SPOCK1: variants seen among roughly 807,000 people sequenced by gnomAD.
The protein encoded by SPOCK1 is testican-1.
A neutral mutation model predicts 55.3 loss-of-function variants in SPOCK1; 23 were observed. The ratio of observed to expected loss-of-function variants is 0.42; its 90% CI spans 0.30 to 0.59. The LOEUF is 0.59. Ranked by LOEUF, SPOCK1 falls within the 20% of genes least tolerant of loss-of-function variation. The pLI, the probability that SPOCK1 is intolerant of heterozygous loss-of-function variation, is 0.22. For synonymous variants in SPOCK1, 226 were observed against 221.0 expected, an observed-to-expected ratio of 1.02 and a Z score of -0.20; for missense variants, 499 against 552.5, an observed-to-expected ratio of 0.90 and a Z score of 0.97.
chr5:137,026,568 A>G (rs1055386784), intron 6 of SPOCK1, among the ~76,000 whole-genome samples: 6 of 152,226 alleles, frequency 3.9e-5, no homozygotes, highest in African/African-American at 1.4e-4. Context: ...TAACTGCATC[A>G]GCCAATTCCT....
chr5:137,089,381 T>C (rs1217390697), intron 5 of SPOCK1, among the ~76,000 whole-genome samples: 1 of 152,174 alleles, frequency 6.6e-6, no homozygotes, highest in Non-Finnish European at 1.5e-5. Context: ...ATATGGAATA[T>C]AGCAGCTGTC....
chr5:137,268,539 C>G (rs1321549014), intron 2 of SPOCK1, among the ~76,000 whole-genome samples: 2 of 152,196 alleles, frequency 1.3e-5, no homozygotes, highest in East Asian at 3.8e-4. Flanking sequence ...CTGTCAGAAA[C>G]TCGGCAGCCA....
At chr5:137,154,114 C>A (rs1754369426) in intron 3 of SPOCK1, among the ~76,000 whole-genome samples, 2 of 151,852 alleles carry the variant, frequency 1.3e-5, no homozygotes, top group Non-Finnish European at 2.9e-5. Context: ...ATGGAGAAAC[C>A]CCATCTCTAC....
At chr5:137,084,013 A>G (rs1752917578) in intron 5 of SPOCK1, among the ~76,000 whole-genome samples, 1 of 152,046 alleles carries the variant, frequency 6.6e-6, no homozygotes, top group Non-Finnish European at 1.5e-5. Context: ...TAGTTTTTAC[A>G]TCTGTAAAAT....
intron 2 of SPOCK1, among the ~76,000 whole-genome samples, chr5:137,484,088 G>A (rs1473149949): frequency 2.0e-5 from 3 of 152,184 alleles, no homozygotes; most frequent in Admixed American, 1.3e-4. Flanking sequence ...GCTGTGGTGG[G>A]AATGGACTTG....
chr5:137,291,119 T>C (rs1757361673), intron 2 of SPOCK1, among the ~76,000 whole-genome samples: 1 of 152,180 alleles, frequency 6.6e-6, no homozygotes, highest in Middle Eastern at 3.2e-3. Context: ...AACAGCACAA[T>C]TGACCACCTC....
At chr5:137,245,876 T>C (rs1265276393) in intron 3 of SPOCK1, among the ~76,000 whole-genome samples, 1 of 152,204 alleles carries the variant, frequency 6.6e-6, no homozygotes, top group African/African-American at 2.4e-5. Flanking sequence ...GCCTGTCTAT[T>C]AACATATAAA....
intron 2 of SPOCK1, chr5:137,313,315 A>G (rs1408716321): frequency 3.3e-6 from 2 of 601,188 alleles, no homozygotes; most frequent in Non-Finnish European, 2.1e-6. Flanking sequence ...ACAATCATTT[A>G]GTTGGAAGTA....
intron 6 of SPOCK1, among the ~76,000 whole-genome samples, chr5:137,066,089 C>A (rs1026076351): frequency 6.6e-6 from 1 of 152,122 alleles, no homozygotes; most frequent in Non-Finnish European, 1.5e-5. Flanking sequence ...AGGAGAGATG[C>A]ATTCACCCTC....
At position 137,498,357 on chromosome 5, in the gene SPOCK1, T is replaced by A. The variant is rs763306072; in HGVS notation, c.186+16A>T. 1 of 1,544,162 alleles carries A rather than the reference T, an allele frequency of 6.5e-7. No homozygotes were observed. Among genetic ancestry groups the A allele is most frequent in the East Asian group, 2.5e-5 (1 of 40,436 alleles). On this transcript the variant is annotated intron_variant, in intron 2 of 10. Coordinates refer to ENST00000394945, the MANE Select transcript of SPOCK1 (RefSeq NM_004598.4). Reference sequence around the variant, plus strand: ...AGGCTCCGCGCCCCCCAGGGCCGGGTGGCGCCGGTACTCACGTCTCGAAAG... The same window carrying A: ...AGGCTCCGCGCCCCCCAGGGCCGGGAGGCGCCGGTACTCACGTCTCGAAAG...
intron 2 of SPOCK1, among the ~76,000 whole-genome samples, chr5:137,329,090 T>C (rs569914526): frequency 6.6e-6 from 1 of 152,310 alleles, no homozygotes; most frequent in East Asian, 1.9e-4. Context: ...CTGAGTAAAG[T>C]GGACTGGCCC....
At chr5:137,067,893 T>C (rs1752541137) in intron 5 of SPOCK1, 64 bp from the exon 6 acceptor site, 1 of 1,362,184 alleles carries the variant, frequency 7.3e-7, no homozygotes, top group Non-Finnish European at 1.0e-6. Flanking sequence ...CCCCGCCTCC[T>C]AAGAAACAGC....
chr5:137,403,703 A>C (rs1346185995), intron 2 of SPOCK1, among the ~76,000 whole-genome samples: 3 of 151,876 alleles, frequency 2.0e-5, no homozygotes, highest in African/African-American at 7.3e-5. Flanking sequence ...CAGCACGGGC[A>C]CAGGAACTAA....
At chr5:137,194,389 G>C (rs553289323) in intron 3 of SPOCK1, among the ~76,000 whole-genome samples, 1 of 152,328 alleles carries the variant, frequency 6.6e-6, no homozygotes, top group African/African-American at 2.4e-5. Context: ...AAAGGGAACA[G>C]CTCGTACAAG....
intron 7 of SPOCK1, among the ~76,000 whole-genome samples, chr5:136,991,670 A>G (rs750813128): frequency 9.2e-5 from 14 of 152,234 alleles, no homozygotes; most frequent in Non-Finnish European, 1.8e-4. Flanking sequence ...CTGTGGCCAA[A>G]CTACATATAT....
At chr5:137,473,174 C>A (rs1231661684) in intron 2 of SPOCK1, among the ~76,000 whole-genome samples, 1 of 152,170 alleles carries the variant, frequency 6.6e-6, no homozygotes, top group East Asian at 1.9e-4. Context: ...CACTCACCCT[C>A]ATGAATATGC....
chr5:137,083,923 G>A (rs559492866), intron 5 of SPOCK1, among the ~76,000 whole-genome samples: 2 of 152,074 alleles, frequency 1.3e-5, no homozygotes, highest in Admixed American at 6.5e-5. Flanking sequence ...GAATCTGGAG[G>A]CAGACAAACC....
In SPOCK1 at chr5:137,037,032, C is replaced by T. The variant is rs116370244; in HGVS notation, c.589+30683G>A. On this transcript the variant is annotated intron_variant, in intron 6 of 10. Coordinates refer to ENST00000394945, the MANE Select transcript of SPOCK1 (RefSeq NM_004598.4). ...CTAGAACCAGCAGGTGCTCTCGCTC[C>T]GATAGTGGCAATTAGAGCTTAAGCT... is the stretch of plus-strand genomic sequence containing the variant. Among the ~76,000 whole-genome samples, 960 of 151,998 alleles carry T rather than the reference C, an allele frequency of 6.3e-3. 7 individuals carry two copies. The highest frequency in any genetic ancestry group is 0.022 in the African/African-American group (920 of 41,436).
At chr5:137,466,905 T>C (rs987650631) in intron 2 of SPOCK1, among the ~76,000 whole-genome samples, 2 of 152,182 alleles carry the variant, frequency 1.3e-5, no homozygotes, top group Admixed American at 6.5e-5. Context: ...TGCCTCAAGG[T>C]TTCTCACAGG....
Sources: allele counts gnomAD v4.1 joint callset (sites outside exome capture counted in the v4.1 genomes callset), GRCh38; gene constraint gnomAD v4.1.1; transcripts MANE v1.5; gene names NCBI Gene and HGNC (gene_info 2026-07-23, HGNC 2026-07-21).